TSC1: variants seen among roughly 807,000 people sequenced by gnomAD.
TSC1 encodes the protein TSC complex subunit 1, also known as hamartin.
A neutral mutation model predicts 124.3 loss-of-function variants in TSC1; 20 were observed. That is an observed-to-expected ratio of 0.16 (90% CI 0.11 to 0.23). The LOEUF (loss-of-function observed/expected upper bound fraction) is 0.23, where lower values mean the gene tolerates loss of function less well. TSC1 is among the 10% of genes least tolerant of loss of function. The probability of loss-of-function intolerance (pLI) is 1.00; values close to 1 mark genes in which losing one functional copy is unlikely to be tolerated. For missense variants in TSC1, 1,124 were observed against 1,448.5 expected (o/e 0.78, Z 3.64); for synonymous variants, 493 against 539.1 (o/e 0.91, Z 1.19).
intron 8 of TSC1, among the ~76,000 whole-genome samples, chr9:132,916,217 C>T (rs1846265891): frequency 6.6e-6 from 1 of 151,994 alleles, no homozygotes; most frequent in South Asian, 2.1e-4. Context: ...AAGTACAGCA[C>T]ACATCTAACG....
rs745979259 is a variant in TSC1, at chr9:132,911,579, A to G, written c.914-11T>C. ...TAGAAGTAGCACACCCTAAAATGGA[A>G]GAGAAGAACACAGGGGGTTAGTGTG... On this transcript the variant is annotated splice_polypyrimidine_tract_variant and intron_variant, in intron 9 of 22. Transcript: ENST00000298552. 1.4e-6 allele frequency: 2 copies of G among 1,419,022 alleles called. No homozygotes were observed. The highest frequency in any genetic ancestry group is 2.0e-6 in the Non-Finnish European group (2 of 1,016,260). The allele number at this position is 1,419,022 out of a possible 1,614,324, so 87.9% of individuals were successfully genotyped here.
Position 132,912,315 on chromosome 9 carries a change from T to C in TSC1, c.880A>G (p.Thr294Ala), listed in dbSNP as rs1588326742. ...TTCTGTGTGTCAGCATAAGGGCTGG[T>C]GGTGACATCGGCTGAACGATGAGGA... ...RFPHRSADVT[T>A]SPYADTQNSY... The change falls in exon 9 of 23, where the codon ACC becomes GCC. Residue 294 changes from threonine (T) to alanine (A), a missense_variant. Physicochemically the swap from Thr to Ala is moderately conservative, Grantham distance 58. Coordinates refer to ENST00000298552, the MANE Select transcript of TSC1 (RefSeq NM_000368.5). The C allele has an allele frequency of 6.2e-7, 1 of 1,613,996 alleles. No homozygotes were observed. The highest frequency in any genetic ancestry group is 1.3e-5 in the African/African-American group (1 of 74,894).
Position 132,902,853 on chromosome 9 carries a change from C to A in TSC1, c.2209-66G>T, listed in dbSNP as rs542334893. The A allele has an allele frequency of 3.8e-6, 6 of 1,576,638 alleles. No homozygotes were observed. The highest frequency in any genetic ancestry group is 5.2e-6 in the Non-Finnish European group (6 of 1,149,976). On this transcript the variant is annotated intron_variant, in intron 17 of 22. Coordinates refer to ENST00000298552, the MANE Select transcript of TSC1 (RefSeq NM_000368.5). The surrounding 1 kb of genome is among the most constrained non-coding windows in gnomAD (Gnocchi z 5.2). ...AACACAGGCAATTTAACACACACTG[C>A]GAACATTTCATCTGAATAGTCATAA...
intron 2 of TSC1, among the ~76,000 whole-genome samples, chr9:132,932,117 G>A (rs576272454): frequency 8.5e-5 from 13 of 152,312 alleles, no homozygotes; most frequent in African/African-American, 2.4e-4. Flanking sequence ...TTTCTGTATC[G>A]TACATGCTAA....
At chr9:132,945,252 C>T (rs1164671446), upstream of TSC1, 8 of 152,254 alleles carry the variant, frequency 5.3e-5, no homozygotes. Context: ...TTCAGAAGCC[C>T]GCCTCCGGGA....
chr9:132,909,291 T>C (rs1291952594), intron 12 of TSC1, among the ~76,000 whole-genome samples: 16 of 152,252 alleles, frequency 1.1e-4, no homozygotes, highest in Admixed American at 1.0e-3. Flanking sequence ...CTCCTCAAGC[T>C]ATTCAAATAT....
At chr9:132,907,404 GA>G in intron 12 of TSC1, 34 bp from the exon 13 acceptor site, 1 of 1,540,634 alleles carries the variant, frequency 6.5e-7, no homozygotes, top group Non-Finnish European at 9.0e-7. Context: ...ATCACAAGAC[GA>G]AAAATGTTGC....
rs536230220 is a variant in TSC1, at chr9:132,895,941, G to A, written c.*294C>T. 2.2e-6 allele frequency: 1 copy of A among 460,722 alleles called. No homozygotes were observed. Among genetic ancestry groups the A allele is most frequent in the Non-Finnish European group, 4.0e-6 (1 of 252,034 alleles). The allele number at this position is 460,722 out of a possible 1,614,324, so 28.5% of individuals were successfully genotyped here. On this transcript the variant is annotated 3_prime_UTR_variant, in exon 23 of 23. Coordinates refer to ENST00000298552, the MANE Select transcript of TSC1 (RefSeq NM_000368.5). The stretch of plus-strand genomic sequence containing the variant: ...AGGTTCAAAGGACGCAACCATTTGG[G>A]GGGGAAAGGAAGAAAGTAAAGCTAC...
In TSC1 at chr9:132,902,874, C is replaced by A; in HGVS notation, c.2209-87G>T. 1 of 1,508,396 alleles carries A rather than the reference C, an allele frequency of 6.6e-7. No individual in the cohort carries two copies. 93.4% of individuals were successfully genotyped at this position (1,508,396 alleles called of 1,614,324 possible). A position where few individuals can be genotyped will look rare whatever the true frequency, so the allele number is the denominator to read the frequency against. ...ACTGCGAACATTTCATCTGAATAGTCATAAGCTACCCTGAAAATGTAACTA... is the reference window on the plus strand; with the variant it reads ...ACTGCGAACATTTCATCTGAATAGTAATAAGCTACCCTGAAAATGTAACTA... On this transcript the variant is annotated intron_variant, in intron 17 of 22. Transcript: ENST00000298552. This position sits in a 1 kb window ranked among gnomAD's most constrained non-coding sequence, Gnocchi z 5.2.
intron 1 of TSC1, among the ~76,000 whole-genome samples, chr9:132,938,826 C>T (rs1018322365): frequency 6.6e-5 from 10 of 152,186 alleles, no homozygotes; most frequent in African/African-American, 2.4e-4. Flanking sequence ...GGTGAATATT[C>T]GAATTTTTCA....
Position 132,903,801 on chromosome 9 carries a change from A to G in TSC1, c.2058T>C (p.Asp686=). Residue 686 remains aspartate (D), a synonymous_variant, in exon 17 of 23, where the codon GAT becomes GAC. Coordinates refer to ENST00000298552, the MANE Select transcript of TSC1 (RefSeq NM_000368.5). The surrounding 1 kb of genome is among the most constrained non-coding windows in gnomAD (Gnocchi z 5.9). Reference sequence around the variant, plus strand: ...ACTGGTCTCGGAGGGTGCGGATCTCATCTGAAGGAGGAGAGCCTGATTGTA... The same window carrying G: ...ACTGGTCTCGGAGGGTGCGGATCTCGTCTGAAGGAGGAGAGCCTGATTGTA... ...WTHFGGSPPS[D]EIRTLRDQLL... is the part of the protein sequence containing the mutation. The G allele has an allele frequency of 6.2e-7, 1 of 1,613,034 alleles. No individual in the cohort carries two copies. The highest frequency in any genetic ancestry group is 2.2e-5 in the East Asian group (1 of 44,850).
chr9:132,898,176 G>A (rs1372575639), intron 20 of TSC1, among the ~76,000 whole-genome samples: 1 of 152,174 alleles, frequency 6.6e-6, no homozygotes, highest in Non-Finnish European at 1.5e-5. Context: ...CTACAGAATG[G>A]AATGCCAATG....
chr9:132,942,702 T>C (rs532091645), intron 1 of TSC1, among the ~76,000 whole-genome samples: 36 of 152,354 alleles, frequency 2.4e-4, no homozygotes, highest in African/African-American at 7.0e-4. Context: ...AGGAAATGCA[T>C]GCAGCAGAGA....
chr9:132,895,292 C>T lies in TSC1; in HGVS notation c.*943G>A, dbSNP rs1210797540. On this transcript the variant is annotated 3_prime_UTR_variant, in exon 23 of 23. Coordinates refer to ENST00000298552, the MANE Select transcript of TSC1 (RefSeq NM_000368.5). ...CATATAAGCTGACATGAACAAGAGG[C>T]GTATGCACACAAAGGGAGGCCAGTA... 4.7e-5 allele frequency: 11 copies of T among 233,220 alleles called. No homozygotes were observed. The highest frequency in any genetic ancestry group is 1.3e-3 in the Middle Eastern group (1 of 782). 14.4% of individuals were successfully genotyped at this position (233,220 alleles called of 1,614,324 possible).
rs768999400 is a variant in TSC1, at chr9:132,921,963, C to A, written c.519G>T (p.Ala173=). The change falls in exon 7 of 23, where the codon GCG becomes GCT. Residue 173 remains alanine, a synonymous_variant. Coordinates refer to ENST00000298552, the MANE Select transcript of TSC1 (RefSeq NM_000368.5). This position sits in a 1 kb window ranked among gnomAD's most constrained non-coding sequence, Gnocchi z 4.3. The part of the protein sequence containing the change: ...SWCLKKPGHV[A]EVYLVHLHAS... Reference sequence around the variant, plus strand: ...CATGGAGATGGACGAGATAGACTTCCGCCACGTGGCCTAGAAAAGGAACCC... The same window carrying A: ...CATGGAGATGGACGAGATAGACTTCAGCCACGTGGCCTAGAAAAGGAACCC... 1 of 1,614,048 alleles carries A rather than the reference C, an allele frequency of 6.2e-7. No homozygotes were observed. The highest frequency in any genetic ancestry group is 8.5e-7 in the Non-Finnish European group (1 of 1,179,960).
intron 5 of TSC1, 46 bp downstream of exon 5, chr9:132,925,541 C>T: frequency 6.2e-7 from 1 of 1,612,528 alleles, no homozygotes; most frequent in Non-Finnish European, 8.5e-7. Flanking sequence ...ATTTCAGAAA[C>T]TATACTCATA....
In TSC1 at chr9:132,925,756, A is replaced by G. The variant is rs573140264; in HGVS notation, c.211-17T>C. On this transcript the variant is annotated splice_polypyrimidine_tract_variant and intron_variant, in intron 4 of 22. Transcript: ENST00000298552. Reference sequence around the variant, plus strand: ...CAAGAGGTGCTGAAAATGTAAAAGAACAAGGGCAGTCCTCACATGAATGTA... The same window carrying G: ...CAAGAGGTGCTGAAAATGTAAAAGAGCAAGGGCAGTCCTCACATGAATGTA... The G allele has an allele frequency of 1.9e-6, 3 of 1,614,226 alleles. No homozygotes were observed. In the Admixed American group the frequency reaches 5.0e-5, roughly 27 times the overall value.
At chr9:132,939,473 CCT>C (rs1205624019) in intron 1 of TSC1, among the ~76,000 whole-genome samples, 3 of 152,158 alleles carry the variant, frequency 2.0e-5, no homozygotes, top group Non-Finnish European at 4.4e-5. Context: ...CCATCAGGGG[CCT>C]TGATGGATGG....
chr9:132,895,998 C>T lies in TSC1; in HGVS notation c.*237G>A, dbSNP rs1232963897. The T allele has an allele frequency of 3.4e-6, 2 of 588,450 alleles. No homozygotes were observed. Among genetic ancestry groups the T allele is most frequent in the Non-Finnish European group, 6.1e-6 (2 of 329,438 alleles). The allele number at this position is 588,450 out of a possible 1,614,324, so 36.5% of individuals were successfully genotyped here. A position where few individuals can be genotyped will look rare whatever the true frequency, so the allele number is the denominator to read the frequency against. ...ACACCAACTGGCCCTTGGATTAGAA[C>T]ACACTGCGAGGTAAATGAGAGGGGG... is the stretch of plus-strand genomic sequence containing the variant. On this transcript the variant is annotated 3_prime_UTR_variant, in exon 23 of 23. Transcript: ENST00000298552.
Sources: gnomAD v4.1 joint callset for allele counts (sites outside exome capture counted in the v4.1 genomes callset) on GRCh38, gnomAD v4.1.1 for gene constraint, Gnocchi (gnomAD v3.1) non-coding constraint, MANE v1.5 for transcripts, NCBI Gene and HGNC (gene_info 2026-07-23, HGNC 2026-07-21) for gene names.